The following HMCN2 variants were observed in gnomAD, a reference collection of about 807,000 sequenced individuals.
HMCN2 encodes the protein hemicentin 2.
HMCN2 carries 325 observed loss-of-function variants against 377.5 expected under a neutral mutation model. That is an observed-to-expected ratio of 0.86 (90% CI 0.79 to 0.94). The LOEUF is 0.94. Ranked by LOEUF, HMCN2 falls within the 40% of genes least tolerant of loss-of-function variation. The pLI is 0.00. For missense variants in HMCN2, 4,543 were observed against 4,725.3 expected (o/e 0.96, Z 1.13); for synonymous variants, 2,007 against 2,046.8 (o/e 0.98, Z 0.53).
intron 22 of HMCN2, among the ~76,000 whole-genome samples, chr9:130,327,684 C>T (rs911255777): frequency 4.6e-5 from 7 of 152,314 alleles, no homozygotes; most frequent in Non-Finnish European, 1.0e-4. Context: ...CAGGGTGAGA[C>T]TCCCCATCTG....
chr9:130,360,728 CCCATCCATCCATCATCCATCCAA>C lies in HMCN2; in HGVS notation c.5950+138_5950+160del. On this transcript the variant is annotated intron_variant, in intron 38 of 97. Coordinates refer to ENST00000683500, the MANE Select transcript of HMCN2 (RefSeq NM_001291815.2). This position sits in a 1 kb window ranked among gnomAD's most constrained non-coding sequence, Gnocchi z 4.7. ...ATCTACCACCCCATCCATCCGTTAC[CCCATCCATCCATCATCCATCCAA>C]CCATCCATCCATCCATCCATCCATC... is the stretch of plus-strand genomic sequence containing the variant. 1 of 419,550 alleles carries C rather than the reference CCCATCCATCCATCATCCATCCAA, an allele frequency of 2.4e-6. No homozygotes were observed. The highest frequency in any genetic ancestry group is 4.1e-6 in the Non-Finnish European group (1 of 243,092). 26.0% of individuals were successfully genotyped at this position (419,550 alleles called of 1,614,324 possible).
At chr9:130,269,540 C>T (rs1239066660) in intron 1 of HMCN2, among the ~76,000 whole-genome samples, 4 of 147,656 alleles carry the variant, frequency 2.7e-5, no homozygotes, top group Non-Finnish European at 4.6e-5. Flanking sequence ...TTCAGGGGCC[C>T]GTTTCAGCAC....
At chr9:130,317,672 T>C (rs1423366839) in intron 15 of HMCN2, among the ~76,000 whole-genome samples, 2 of 149,046 alleles carry the variant, frequency 1.3e-5, no homozygotes, top group East Asian at 4.0e-4. Flanking sequence ...TTTATATATA[T>C]ATTTTTTAGT....
At position 130,341,237 on chromosome 9, in the gene HMCN2, T is replaced by G. The variant is rs995888831; in HGVS notation, c.3614T>G (p.Leu1205Trp). 8.5e-4 allele frequency: 130 copies of G among 152,456 alleles called. No individual in the cohort carries two copies. The highest frequency in any genetic ancestry group is 3.1e-3 in the African/African-American group (128 of 41,580). 9.4% of individuals were successfully genotyped at this position (152,456 alleles called of 1,614,324 possible). The change falls in exon 24 of 98, where the codon TTG (leucine) becomes TGG (tryptophan). Residue 1205 changes from leucine (L) to tryptophan (W), a missense_variant. Physicochemically the swap from Leu to Trp is moderately conservative, Grantham distance 61 (BLOSUM62 -2). Coordinates refer to ENST00000683500, the MANE Select transcript of HMCN2 (RefSeq NM_001291815.2). Reference protein sequence around the residue: ...QLSWSKDGVVLQGRGPQGSVH... With the variant: ...QLSWSKDGVVWQGRGPQGSVH... The stretch of plus-strand genomic sequence containing the variant: ...AGCTGGTCCAAGGATGGCGTGGTGT[T>G]GCAGGGCCGGGGGCCTCAGGGCTCC...
rs1362042727 is a variant in HMCN2 at position 130,398,567 on chromosome 9, C to T, written c.11343C>T (p.Ala3781=). The T allele has an allele frequency of 1.6e-6, 2 of 1,261,030 alleles. No homozygotes were observed. The highest frequency in any genetic ancestry group is 2.1e-6 in the Non-Finnish European group (2 of 970,004). The allele number at this position is 1,261,030 out of a possible 1,614,324, so 78.1% of individuals were successfully genotyped here. A position where few individuals can be genotyped will look rare whatever the true frequency, so the allele number is the denominator to read the frequency against. Residue 3781 remains alanine, a synonymous_variant, in exon 75 of 98, where the codon GCC becomes GCT. Coordinates refer to ENST00000683500, the MANE Select transcript of HMCN2 (RefSeq NM_001291815.2). ...DLRVLEPPAI[A]PSPSNLTLTA... ...TCTCCCCAGAGCCTCCAGCCATCGC[C>T]CCCAGCCCCTCCAACCTGACCCTGA...
intron 22 of HMCN2, among the ~76,000 whole-genome samples, chr9:130,329,779 G>A (rs1012054027): frequency 1.8e-3 from 268 of 151,604 alleles, no homozygotes; most frequent in Non-Finnish European, 3.0e-3. Flanking sequence ...AGCTTTGTTC[G>A]CAGGCTCTGG....
chr9:130,348,930 G>A (rs1839543755), intron 27 of HMCN2, 54 bp from the exon 28 acceptor site: 2 of 1,280,714 alleles, frequency 1.6e-6, no homozygotes, highest in Admixed American at 4.7e-5. Context: ...TACTGATGCT[G>A]GGGGTGGTGG....
chr9:130,284,090 T>C (rs553276428), intron 1 of HMCN2, among the ~76,000 whole-genome samples: 3 of 152,362 alleles, frequency 2.0e-5, no homozygotes, highest in South Asian at 4.1e-4. Context: ...AGTCAATCTT[T>C]GTCATTTTTA....
At chr9:130,350,385 AT>A (rs1564804641) in intron 29 of HMCN2, among the ~76,000 whole-genome samples, 41 of 84,818 alleles carry the variant, frequency 4.8e-4, no homozygotes, top group East Asian at 6.0e-4. Context: ...ATACAAAAAA[AT>A]ACAAAAAAAA....
chr9:130,304,489 C>T lies in HMCN2; in HGVS notation c.1544-241C>T, dbSNP rs746828658. On this transcript the variant is annotated intron_variant, in intron 10 of 97. Coordinates refer to ENST00000683500, the MANE Select transcript of HMCN2 (RefSeq NM_001291815.2). The surrounding 1 kb of genome is among the most constrained non-coding windows in gnomAD (Gnocchi z 4.3). The stretch of plus-strand genomic sequence containing the variant: ...CACTGGCTGTATTTTGGAGAGCAGG[C>T]GTGTACCGTGCAGCCCCTGGCAGGT... 6.6e-6 allele frequency among the ~76,000 whole-genome samples: 1 copy of T among 152,150 alleles called. No homozygotes were observed. The highest frequency in any genetic ancestry group is 2.1e-4 in the South Asian group (1 of 4,826).
At chr9:130,320,083 G>A (rs1045177687) in intron 16 of HMCN2, among the ~76,000 whole-genome samples, 1 of 152,166 alleles carries the variant, frequency 6.6e-6, no homozygotes, top group African/African-American at 2.4e-5. Flanking sequence ...GCCCAAGGGC[G>A]GGCACTTTGT....
chr9:130,287,956 AC>A (rs782317461), intron 4 of HMCN2, among the ~76,000 whole-genome samples: 2 of 151,852 alleles, frequency 1.3e-5, no homozygotes, highest in Non-Finnish European at 2.9e-5. Flanking sequence ...GCGTGCCTTA[AC>A]TCCCTGTTGA....
chr9:130,384,972 T>C (rs1369667268), intron 59 of HMCN2, among the ~76,000 whole-genome samples, 174 bp downstream of exon 59: 1 of 152,118 alleles, frequency 6.6e-6, no homozygotes, highest in Non-Finnish European at 1.5e-5. Flanking sequence ...CCCAGGAGCC[T>C]GGCTGGGGAA....
chr9:130,356,606 GCCTGCCTAGCT>G (rs1840040202), intron 34 of HMCN2, among the ~76,000 whole-genome samples: 3 of 152,238 alleles, frequency 2.0e-5, no homozygotes, highest in East Asian at 1.9e-4. Context: ...CCTCCTCTTT[GCCTGCCTAGCT>G]CCTTATCTTT....
intron 45 of HMCN2, among the ~76,000 whole-genome samples, chr9:130,370,418 T>G (rs1306494169): frequency 6.6e-6 from 1 of 151,416 alleles, no homozygotes; most frequent in African/African-American, 2.4e-5. Context: ...CAGGGAGTGG[T>G]AAGAGATAGG....
At position 130,303,353 on chromosome 9, in the gene HMCN2, T is replaced by C. The variant is rs558499087; in HGVS notation, c.1422-134T>C. On this transcript the variant is annotated intron_variant, in intron 9 of 97. Coordinates refer to ENST00000683500, the MANE Select transcript of HMCN2 (RefSeq NM_001291815.2). The surrounding 1 kb of genome is among the most constrained non-coding windows in gnomAD (Gnocchi z 5.2). ...CATGGAATTTCCATGTGCTTGGCTGTGTATGTCTTCTTACCGCATCTCACA... is the reference window on the plus strand; with the variant it reads ...CATGGAATTTCCATGTGCTTGGCTGCGTATGTCTTCTTACCGCATCTCACA... 171 of 300,476 alleles carry C rather than the reference T, an allele frequency of 5.7e-4. No individual in the cohort carries two copies. The highest frequency in any genetic ancestry group is 3.6e-3 in the African/African-American group (163 of 44,798). The allele number at this position is 300,476 out of a possible 1,614,324, so 18.6% of individuals were successfully genotyped here.
intron 85 of HMCN2, among the ~76,000 whole-genome samples, chr9:130,417,278 T>C (rs1588428897): frequency 1.3e-5 from 2 of 151,828 alleles, no homozygotes; most frequent in African/African-American, 4.8e-5. Context: ...TCCTAGCACT[T>C]TGGGAGGCCG....
intron 11 of HMCN2, among the ~76,000 whole-genome samples, chr9:130,305,276 G>A (rs968334782): frequency 5.3e-5 from 8 of 151,994 alleles, no homozygotes; most frequent in East Asian, 1.9e-4. Flanking sequence ...TCCTTTTTCC[G>A]TGCCATCGAG....
Position 130,408,829 on chromosome 9 carries a change from G to T in HMCN2, c.12775G>T (p.Asp4259Tyr), listed in dbSNP as rs1359612766. Residue 4259 changes from aspartate (D) to tyrosine (Y), a missense_variant, in exon 84 of 98, where the codon GAC (aspartate) becomes TAC (tyrosine). Physicochemically the swap from Asp to Tyr is radical, Grantham distance 160. Transcript: ENST00000683500. ...TCAGCTAGACTGTGTGGTGCGTGGA[G>T]ACCCAGTGCCGGACATCCACTGGAT... ...SIQLDCVVRG[D>Y]PVPDIHWIKD... The T allele has an allele frequency of 1.7e-5, 22 of 1,289,684 alleles. No homozygotes were observed. Among genetic ancestry groups the T allele is most frequent in the Non-Finnish European group, 2.2e-5 (22 of 988,864 alleles). 79.9% of individuals were successfully genotyped at this position (1,289,684 alleles called of 1,614,324 possible).
Sources: allele counts gnomAD v4.1 joint callset (sites outside exome capture counted in the v4.1 genomes callset), GRCh38; gene constraint gnomAD v4.1.1; non-coding constraint Gnocchi (gnomAD v3.1); transcripts MANE v1.5; gene names NCBI Gene and HGNC (gene_info 2026-07-23, HGNC 2026-07-21).